Variants in IMMP2L observed in about 807,000 individuals in gnomAD.
The protein encoded by IMMP2L is mitochondrial inner membrane protease subunit 2.
A neutral mutation model predicts 19.3 loss-of-function variants in IMMP2L; 18 were observed. The ratio of observed to expected loss-of-function variants is 0.93; its 90% CI spans 0.64 to 1.38. The LOEUF is 1.38. IMMP2L is among the 40% of genes most tolerant of loss of function. The pLI, the probability that IMMP2L is intolerant of heterozygous loss-of-function variation, is 0.00. For synonymous variants in IMMP2L, 76 were observed against 73.0 expected (o/e 1.04, Z -0.21); for missense variants, 233 against 218.2 (o/e 1.07, Z -0.43).
intron 3 of IMMP2L, among the ~76,000 whole-genome samples, chr7:111,261,831 T>C (rs551510074): frequency 2.0e-4 from 30 of 152,252 alleles, no homozygotes; most frequent in South Asian, 1.9e-3. Context: ...AGGGACTGCA[T>C]TGAGGTCAGA....
chr7:110,849,836 G>T (rs1448684959), intron 5 of IMMP2L, among the ~76,000 whole-genome samples: 2 of 151,964 alleles, frequency 1.3e-5, no homozygotes, highest in Non-Finnish European at 2.9e-5. Flanking sequence ...AGGTAGAAAA[G>T]ATTCATTTAT....
intron 5 of IMMP2L, among the ~76,000 whole-genome samples, chr7:110,880,407 A>C (rs1230444802): frequency 6.6e-6 from 1 of 152,140 alleles, no homozygotes; most frequent in Non-Finnish European, 1.5e-5. Flanking sequence ...GCTCAGTCAA[A>C]AGAACGTTAT....
chr7:111,087,625 A>T (rs214893), intron 3 of IMMP2L, among the ~76,000 whole-genome samples: 6 of 151,890 alleles, frequency 4.0e-5, no homozygotes, highest in Non-Finnish European at 7.4e-5. Context: ...TTTTATATGC[A>T]TTGTGGAGCT....
At chr7:111,518,860 C>A (rs1216129572) in intron 2 of IMMP2L, among the ~76,000 whole-genome samples, 2 of 152,092 alleles carry the variant, frequency 1.3e-5, no homozygotes, top group Non-Finnish European at 2.9e-5. Flanking sequence ...TACTTTGATT[C>A]TGAAAATAGC....
At chr7:110,815,700 T>C (rs1205518777) in intron 5 of IMMP2L, among the ~76,000 whole-genome samples, 2 of 152,058 alleles carry the variant, frequency 1.3e-5, no homozygotes, top group African/African-American at 2.4e-5. Flanking sequence ...CTTGGGAGGG[T>C]GTATGTGTCG....
At chr7:111,081,570 A>G (rs1267693593) in intron 3 of IMMP2L, among the ~76,000 whole-genome samples, 1 of 152,228 alleles carries the variant, frequency 6.6e-6, no homozygotes, top group Non-Finnish European at 1.5e-5. Flanking sequence ...ATTCATTCAT[A>G]GACTCTTTTG....
At chr7:110,944,501 CAG>C (rs1334281713) in intron 4 of IMMP2L, among the ~76,000 whole-genome samples, 2 of 147,574 alleles carry the variant, frequency 1.4e-5, no homozygotes, top group African/African-American at 4.9e-5. Flanking sequence ...GTGTGTAAAA[CAG>C]AGAGAGACAG....
intron 3 of IMMP2L, among the ~76,000 whole-genome samples, chr7:111,259,474 A>T (rs1228429753): frequency 2.6e-5 from 4 of 152,222 alleles, no homozygotes; most frequent in South Asian, 2.1e-4. Context: ...AATTTTAATT[A>T]AAAAATTTAT....
intron 3 of IMMP2L, among the ~76,000 whole-genome samples, chr7:111,302,834 C>T (rs540979452): frequency 6.6e-6 from 1 of 152,072 alleles, no homozygotes; most frequent in East Asian, 1.9e-4. Flanking sequence ...ACATAGAATA[C>T]ACCTGAAAGA....
chr7:111,384,860 G>A (rs1035081065), intron 3 of IMMP2L, among the ~76,000 whole-genome samples: 7 of 151,984 alleles, frequency 4.6e-5, no homozygotes, highest in Non-Finnish European at 7.4e-5. Flanking sequence ...TACATAAATT[G>A]TACTAAATTT....
At chr7:110,834,846 C>T (rs1326178778) in intron 5 of IMMP2L, among the ~76,000 whole-genome samples, 1 of 152,142 alleles carries the variant, frequency 6.6e-6, no homozygotes, top group Non-Finnish European at 1.5e-5. Flanking sequence ...TTCTCAAACA[C>T]CCTGGCCTTT....
intron 3 of IMMP2L, among the ~76,000 whole-genome samples, chr7:111,468,107 G>A (rs1349083740): frequency 6.6e-6 from 1 of 151,986 alleles, no homozygotes; most frequent in Admixed American, 6.6e-5. Context: ...ATATACTAAT[G>A]GCCATAATTA....
chr7:110,726,702 A>G (rs1409547861), intron 5 of IMMP2L, among the ~76,000 whole-genome samples: 2 of 152,172 alleles, frequency 1.3e-5, no homozygotes, highest in Non-Finnish European at 2.9e-5. Context: ...AATCCCTAAT[A>G]TGTGTCCCCT....
intron 5 of IMMP2L, among the ~76,000 whole-genome samples, chr7:110,818,105 T>C (rs1288925205): frequency 6.0e-5 from 9 of 149,198 alleles, no homozygotes; most frequent in South Asian, 2.1e-4. Flanking sequence ...AAGCCAAAAT[T>C]GACAAATGGG....
At chr7:111,113,545 C>T (rs2129584505) in intron 3 of IMMP2L, among the ~76,000 whole-genome samples, 1 of 152,006 alleles carries the variant, frequency 6.6e-6, no homozygotes, top group South Asian at 2.1e-4. Context: ...TTAACTATAC[C>T]AGGGAGATGG....
At chr7:111,033,106 C>T (rs986180590) in intron 3 of IMMP2L, among the ~76,000 whole-genome samples, 16 of 151,870 alleles carry the variant, frequency 1.1e-4, no homozygotes, top group African/African-American at 3.9e-4. Context: ...GGTGACAGAG[C>T]GAAACTCCAT....
intron 5 of IMMP2L, among the ~76,000 whole-genome samples, chr7:110,851,145 T>C (rs1245305499): frequency 1.3e-5 from 2 of 152,108 alleles, no homozygotes; most frequent in African/African-American, 2.4e-5. Context: ...TGGAGGACAA[T>C]TAGTAATATT....
At chr7:110,716,356 G>T (rs547980118) in intron 5 of IMMP2L, among the ~76,000 whole-genome samples, 1 of 152,080 alleles carries the variant, frequency 6.6e-6, no homozygotes, top group South Asian at 2.1e-4. Flanking sequence ...TTGGTTGGTT[G>T]CTTTGTAGTT....
At chr7:110,856,265 T>C (rs1259947519) in intron 5 of IMMP2L, among the ~76,000 whole-genome samples, 3 of 151,998 alleles carry the variant, frequency 2.0e-5, no homozygotes, top group Non-Finnish European at 1.5e-5. Context: ...GTTTATTCTT[T>C]TTTTAAGACA....
Sources: allele counts gnomAD v4.1 joint callset (sites outside exome capture counted in the v4.1 genomes callset), GRCh38; gene constraint gnomAD v4.1.1; transcripts MANE v1.5; gene names NCBI Gene and HGNC (gene_info 2026-07-23, HGNC 2026-07-21).